PDSS2: variants seen among roughly 807,000 people sequenced by gnomAD.
PDSS2 encodes decaprenyl diphosphate synthase subunit 2.
In PDSS2, 31 loss-of-function variants were observed where a neutral mutation model predicts 44.5. That is an observed-to-expected ratio of 0.70 (90% confidence interval 0.52 to 0.94). The LOEUF is 0.94. Ranked by LOEUF, PDSS2 falls within the 40% of genes least tolerant of loss-of-function variation. The pLI, the probability that PDSS2 is intolerant of heterozygous loss-of-function variation, is 0.00. For synonymous variants in PDSS2, 157 were observed against 180.3 expected (o/e 0.87, Z 1.03); for missense variants, 452 against 482.2 (o/e 0.94, Z 0.59).
At chr6:107,312,764 T>C (rs1483963483) in intron 2 of PDSS2, among the ~76,000 whole-genome samples, 1 of 151,930 alleles carries the variant, frequency 6.6e-6, no homozygotes, top group African/African-American at 2.4e-5. Context: ...GAAGGGAGGA[T>C]AAAAGAGGAA....
intron 1 of PDSS2, among the ~76,000 whole-genome samples, chr6:107,355,597 A>G (rs1778575278): frequency 6.6e-6 from 1 of 152,204 alleles, no homozygotes; most frequent in Admixed American, 6.5e-5. Context: ...CACCACCCCA[A>G]AAAAGAATAC....
intron 4 of PDSS2, among the ~76,000 whole-genome samples, chr6:107,219,349 G>A (rs1489342691): frequency 6.6e-6 from 1 of 151,996 alleles, no homozygotes; most frequent in Non-Finnish European, 1.5e-5. Flanking sequence ...GTGCAGTGGC[G>A]CAATCTCGGC....
intron 3 of PDSS2, among the ~76,000 whole-genome samples, chr6:107,255,996 G>C (rs919163820): frequency 6.6e-6 from 1 of 151,352 alleles, no homozygotes; most frequent in African/African-American, 2.4e-5. Flanking sequence ...CATTTTTTTT[G>C]TTTTTGTTTT....
At chr6:107,457,322 G>A (rs1027948257) in intron 1 of PDSS2, among the ~76,000 whole-genome samples, 1 of 152,134 alleles carries the variant, frequency 6.6e-6, no homozygotes, top group African/African-American at 2.4e-5. Context: ...GTTACCATTG[G>A]GAGAAACAGG....
At chr6:107,169,106 A>T (rs2114357931) in intron 7 of PDSS2, among the ~76,000 whole-genome samples, 1 of 151,582 alleles carries the variant, frequency 6.6e-6, no homozygotes, top group East Asian at 2.0e-4. Context: ...TGTCACTTTC[A>T]GGTACACCAA....
At chr6:107,407,028 G>A (rs1263653113) in intron 1 of PDSS2, among the ~76,000 whole-genome samples, 2 of 152,166 alleles carry the variant, frequency 1.3e-5, no homozygotes, top group African/African-American at 4.8e-5. Context: ...GGAGTGTAGT[G>A]CAGTCAAAAG....
chr6:107,182,967 T>C (rs1255132393), intron 7 of PDSS2, among the ~76,000 whole-genome samples: 6 of 152,160 alleles, frequency 3.9e-5, no homozygotes, highest in Non-Finnish European at 7.3e-5. Flanking sequence ...TCCCAGCACC[T>C]TGGGAGGCCA....
intron 7 of PDSS2, among the ~76,000 whole-genome samples, chr6:107,164,032 AGT>A: frequency 6.6e-6 from 1 of 152,086 alleles, no homozygotes; most frequent in Non-Finnish European, 1.5e-5. Context: ...CTGGAGATAG[AGT>A]CTATCAGGAC....
chr6:107,448,217 T>C lies in PDSS2; in HGVS notation c.296+10773A>G, dbSNP rs530056825. Among the ~76,000 whole-genome samples the C allele has an allele frequency of 1.1e-3, 175 of 152,314 alleles. 3 individuals carry two copies. Among genetic ancestry groups the C allele is most frequent in the African/African-American group, 3.9e-3 (164 of 41,580 alleles). ...TTCCCCATTGTCTTGGCAATTAGCA[T>C]TTGGCTCCTCATTACTTATGCAAAT... On this transcript the variant is annotated intron_variant, in intron 1 of 7. Transcript: ENST00000369037.
Position 107,409,385 on chromosome 6 carries a change from T to C in PDSS2, c.296+49605A>G, listed in dbSNP as rs180733193. On this transcript the variant is annotated intron_variant, in intron 1 of 7. Coordinates refer to ENST00000369037, the MANE Select transcript of PDSS2 (RefSeq NM_020381.4). ...TCTCTGTTTGAAACTGCCTACCTAC[T>C]TGATTTTTTTTTTAATTAGGGAAAT... Among the ~76,000 whole-genome samples the C allele has an allele frequency of 1.6e-3, 239 of 152,192 alleles. 1 individual carries two copies. Among genetic ancestry groups the C allele is most frequent in the Non-Finnish European group, 3.4e-4 (23 of 67,996 alleles).
intron 4 of PDSS2, among the ~76,000 whole-genome samples, chr6:107,234,010 T>A (rs942645720): frequency 2.0e-5 from 3 of 152,060 alleles, no homozygotes; most frequent in Admixed American, 2.0e-4. Flanking sequence ...CTAAAAAACA[T>A]AAAAATAAAA....
At chr6:107,387,378 C>A (rs1165734751) in intron 1 of PDSS2, among the ~76,000 whole-genome samples, 1 of 152,158 alleles carries the variant, frequency 6.6e-6, no homozygotes, top group Non-Finnish European at 1.5e-5. Flanking sequence ...AGACCCTGGG[C>A]AGATGACATG....
rs796341716 is a variant in PDSS2 at position 107,263,105 on chromosome 6, A to G, written c.630+10924T>C. Among the ~76,000 whole-genome samples the G allele has an allele frequency of 4.6e-5, 7 of 151,938 alleles. 2 individuals carry two copies. In the South Asian group the frequency reaches 1.5e-3, roughly 32 times the overall value. On this transcript the variant is annotated intron_variant, in intron 3 of 7. Transcript: ENST00000369037. ...TATTTCTTGTTCAGTTTGTTTTCCT[A>G]TTTTATTTATTTGCAGGTATTGTAG...
At position 107,446,520 on chromosome 6, in the gene PDSS2, G is replaced by A. The variant is rs1781688723; in HGVS notation, c.296+12470C>T. Among the ~76,000 whole-genome samples the A allele has an allele frequency of 2.0e-5, 3 of 152,116 alleles. No individual in the cohort carries two copies. In the South Asian group the frequency reaches 6.2e-4, roughly 31 times the overall value. ...ACCTGCATTTATTTTGTGTGTAGGT[G>A]TATAGAGTTCTTTGCAACTGTATTA... is the stretch of plus-strand genomic sequence containing the variant. On this transcript the variant is annotated intron_variant, in intron 1 of 7. Coordinates refer to ENST00000369037, the MANE Select transcript of PDSS2 (RefSeq NM_020381.4).
chr6:107,404,239 T>G (rs1328056337), intron 1 of PDSS2, among the ~76,000 whole-genome samples: 1 of 152,186 alleles, frequency 6.6e-6, no homozygotes, highest in Non-Finnish European at 1.5e-5. Context: ...GAGTGGACTT[T>G]ACTGTCCATA....
chr6:107,363,397 C>T (rs958659983), intron 1 of PDSS2, among the ~76,000 whole-genome samples: 6 of 152,036 alleles, frequency 3.9e-5, no homozygotes, highest in African/African-American at 1.5e-4. Flanking sequence ...GGAATTTCTT[C>T]CTTCTGGTGG....
chr6:107,348,055 T>C (rs1778310586), intron 1 of PDSS2, among the ~76,000 whole-genome samples: 3 of 152,102 alleles, frequency 2.0e-5, no homozygotes. Flanking sequence ...TAATAGGAGA[T>C]AAGTCATCGA....
chr6:107,200,318 T>G (rs1233615021), intron 6 of PDSS2, among the ~76,000 whole-genome samples: 1 of 152,200 alleles, frequency 6.6e-6, no homozygotes, highest in African/African-American at 2.4e-5. Flanking sequence ...CATTTTTGTA[T>G]AGGCCTTCAT....
At chr6:107,402,015 A>G (rs1780120845) in intron 1 of PDSS2, among the ~76,000 whole-genome samples, 1 of 152,114 alleles carries the variant, frequency 6.6e-6, no homozygotes, top group Non-Finnish European at 1.5e-5. Flanking sequence ...GCAGTGGCTC[A>G]CACCTGTAAT....
Sources: gnomAD v4.1 joint callset for allele counts (sites outside exome capture counted in the v4.1 genomes callset) on GRCh38, gnomAD v4.1.1 for gene constraint, MANE v1.5 for transcripts, NCBI Gene and HGNC (gene_info 2026-07-23, HGNC 2026-07-21) for gene names.